The following CHN2 variants were observed in gnomAD, a reference collection of about 807,000 sequenced individuals.
CHN2 encodes chimerin 2, also known as beta-chimaerin.
CHN2 carries 35 observed loss-of-function variants against 56.3 expected under a neutral mutation model. The observed-to-expected ratio is 0.62, with a 90% confidence interval of 0.47 to 0.82. CHN2 has a LOEUF of 0.82. Among genes scored for constraint, CHN2 ranks in the 40% least tolerant of loss-of-function variants. The pLI, the probability that CHN2 is intolerant of heterozygous loss-of-function variation, is 0.00. For synonymous variants in CHN2, 210 were observed against 212.8 expected, an observed-to-expected ratio of 0.99 and a Z score of 0.12; for missense variants, 491 against 580.5, an observed-to-expected ratio of 0.85 and a Z score of 1.58.
At chr7:29,471,243 C>A (rs1467285166) in intron 6 of CHN2, among the ~76,000 whole-genome samples, 1 of 152,050 alleles carries the variant, frequency 6.6e-6, no homozygotes, top group Non-Finnish European at 1.5e-5. Context: ...AAACTGCATA[C>A]AAAACAAAAC....
chr7:29,481,347 C>G (rs770696156), intron 7 of CHN2, among the ~76,000 whole-genome samples: 1 of 152,190 alleles, frequency 6.6e-6, no homozygotes, highest in Non-Finnish European at 1.5e-5. Flanking sequence ...TTAGATAACC[C>G]TTTTGTCAGA....
chr7:29,261,436 C>G (rs1789543749), intron 1 of CHN2, among the ~76,000 whole-genome samples: 1 of 152,192 alleles, frequency 6.6e-6, no homozygotes, highest in Non-Finnish European at 1.5e-5. Flanking sequence ...CCAGCAGGGC[C>G]CTGTCTCAGG....
At chr7:29,405,754 T>TTTTG (rs1164069326) in intron 6 of CHN2, among the ~76,000 whole-genome samples, 2 of 152,022 alleles carry the variant, frequency 1.3e-5, no homozygotes, top group Non-Finnish European at 2.9e-5. Context: ...CCACTCAGCG[T>TTTTG]TTTGTTTGTT....
chr7:29,505,716 A>T (rs1374475971), intron 10 of CHN2, among the ~76,000 whole-genome samples: 1 of 152,016 alleles, frequency 6.6e-6, no homozygotes, highest in Non-Finnish European at 1.5e-5. Context: ...TCCTTTTTCC[A>T]CATCCCCCCA....
intron 2 of CHN2, among the ~76,000 whole-genome samples, chr7:29,157,777 A>C (rs111832912): frequency 2.0e-5 from 3 of 152,316 alleles, no homozygotes; most frequent in African/African-American, 7.2e-5. Flanking sequence ...GCCAGAACAA[A>C]TTAGTCAGTA....
At chr7:29,431,451 C>T (rs1010245403) in intron 6 of CHN2, among the ~76,000 whole-genome samples, 6 of 152,142 alleles carry the variant, frequency 3.9e-5, no homozygotes, top group African/African-American at 1.4e-4. Flanking sequence ...GCTCACTGCC[C>T]ATAGGGTAGG....
intron 6 of CHN2, among the ~76,000 whole-genome samples, chr7:29,411,302 T>C (rs976241490): frequency 6.6e-6 from 1 of 152,160 alleles, no homozygotes; most frequent in Admixed American, 6.5e-5. Context: ...GAAACACAAT[T>C]TTAGCAGAGC....
chr7:29,341,858 C>T (rs1346580346), intron 1 of CHN2, among the ~76,000 whole-genome samples: 4 of 152,150 alleles, frequency 2.6e-5, no homozygotes, highest in Non-Finnish European at 5.9e-5. Context: ...CAATGGACTC[C>T]AGAGCCAAAC....
At chr7:29,371,571 G>A (rs1216938975) in intron 3 of CHN2, among the ~76,000 whole-genome samples, 1 of 152,118 alleles carries the variant, frequency 6.6e-6, no homozygotes, top group African/African-American at 2.4e-5. Context: ...TGCCTGGGTT[G>A]TCTGTCACAA....
chr7:29,477,546 G>A (rs1562638874), intron 6 of CHN2, among the ~76,000 whole-genome samples: 1 of 152,194 alleles, frequency 6.6e-6, no homozygotes, highest in South Asian at 2.1e-4. Context: ...ACCATCAAAA[G>A]GTCTCTCTCG....
chr7:29,411,546 AG>A (rs1360151242), intron 6 of CHN2, among the ~76,000 whole-genome samples: 2 of 152,174 alleles, frequency 1.3e-5, no homozygotes, highest in African/African-American at 4.8e-5. Context: ...TTCAAGGCCA[AG>A]CCGAAGGACC....
At chr7:29,286,913 G>A (rs1276900988) in intron 1 of CHN2, among the ~76,000 whole-genome samples, 1 of 152,164 alleles carries the variant, frequency 6.6e-6, no homozygotes, top group African/African-American at 2.4e-5. Flanking sequence ...AAGACCAAGA[G>A]CTTCTGTTTG....
In CHN2 at chr7:29,398,357, G is replaced by GGTCTTGTA; in HGVS notation, c.177-15_177-8dup. ...TATGTGGTCTGTTCAGAGCATTGAT[G>GGTCTTGTA]GTCTTGTACCTTCAGGTTTCATGGG... On this transcript the variant is annotated splice_polypyrimidine_tract_variant and intron_variant, in intron 4 of 12. Transcript: ENST00000222792. 6.3e-7 allele frequency: 1 copy of GGTCTTGTA among 1,575,184 alleles called. No homozygotes were observed. Among genetic ancestry groups the GGTCTTGTA allele is most frequent in the Non-Finnish European group, 8.7e-7 (1 of 1,146,530 alleles).
chr7:29,257,392 C>A (rs1789159516), intron 1 of CHN2, among the ~76,000 whole-genome samples: 2 of 152,168 alleles, frequency 1.3e-5, no homozygotes, highest in South Asian at 4.1e-4. Flanking sequence ...GTTTGGTGGT[C>A]TTCACTTCTT....
chr7:29,146,884 G>A (rs537612985), exon 2 of CHN2: 2 of 1,551,210 alleles, frequency 1.3e-6, no homozygotes, highest in South Asian at 2.4e-5. Context: ...CATTTGGAAA[G>A]CGAGTGGTGT....
chr7:29,326,933 A>G (rs1795846613), intron 1 of CHN2, among the ~76,000 whole-genome samples: 2 of 152,250 alleles, frequency 1.3e-5, no homozygotes, highest in African/African-American at 2.4e-5. Context: ...AATTAATCCT[A>G]TAGGATAGAT....
chr7:29,221,444 A>T (rs1181883296), intron 1 of CHN2, among the ~76,000 whole-genome samples: 1 of 152,210 alleles, frequency 6.6e-6, no homozygotes, highest in Non-Finnish European at 1.5e-5. Context: ...AGTACCTAGT[A>T]GTAAATCTTT....
At chr7:29,335,987 T>C (rs906706344) in intron 1 of CHN2, 13 of 152,242 alleles carry the variant, frequency 8.5e-5, no homozygotes, top group African/African-American at 2.9e-4. Context: ...ACAGCTCCAG[T>C]GGGGTAGCTT....
chr7:29,463,057 T>C (rs889576083), intron 6 of CHN2, among the ~76,000 whole-genome samples: 8 of 151,878 alleles, frequency 5.3e-5, no homozygotes, highest in African/African-American at 1.5e-4. Context: ...CCCCAGTTTT[T>C]AGAAACTGAG....
Sources: gnomAD v4.1 joint callset for allele counts (sites outside exome capture counted in the v4.1 genomes callset) on GRCh38, gnomAD v4.1.1 for gene constraint, MANE v1.5 for transcripts, NCBI Gene and HGNC (gene_info 2026-07-23, HGNC 2026-07-21) for gene names.